Variants in DESI2 observed in about 807,000 individuals in gnomAD.
DESI2 encodes deubiquitinase DESI2.
A neutral mutation model predicts 24.1 loss-of-function variants in DESI2; 10 were observed. That is an observed-to-expected ratio of 0.41 (90% CI 0.26 to 0.70). DESI2 has a LOEUF of 0.70. DESI2 is among the 30% of genes least tolerant of loss of function. DESI2 has a pLI of 0.29. For synonymous variants in DESI2, 71 were observed against 87.7 expected (o/e 0.81, Z 1.06); for missense variants, 122 against 234.9 (o/e 0.52, Z 3.14).
chr1:244,703,362 T>C (rs1422366003), intron 4 of DESI2, among the ~76,000 whole-genome samples: 1 of 151,972 alleles, frequency 6.6e-6, no homozygotes, highest in Non-Finnish European at 1.5e-5. Flanking sequence ...CTTTTTTGTT[T>C]GTTTTGTTTT....
intron 1 of DESI2, among the ~76,000 whole-genome samples, chr1:244,677,635 G>A (rs1676456753): frequency 6.6e-6 from 1 of 152,192 alleles, no homozygotes; most frequent in African/African-American, 2.4e-5. Flanking sequence ...TCTGGGCACA[G>A]TACTGGGCAT....
At chr1:244,674,321 CTT>C (rs35687515) in intron 1 of DESI2, among the ~76,000 whole-genome samples, 6 of 147,482 alleles carry the variant, frequency 4.1e-5, no homozygotes, top group Non-Finnish European at 4.5e-5. Context: ...TCATAACGGT[CTT>C]TTTTTTTTTT....
chr1:244,661,429 CT>C (rs1675836967), intron 1 of DESI2, among the ~76,000 whole-genome samples: 1 of 151,928 alleles, frequency 6.6e-6, no homozygotes, highest in Non-Finnish European at 1.5e-5. Context: ...TATTATTATA[CT>C]TTAAGTTCTA....
At chr1:244,673,190 C>G (rs1303020667) in intron 1 of DESI2, among the ~76,000 whole-genome samples, 1 of 152,088 alleles carries the variant, frequency 6.6e-6, no homozygotes, top group African/African-American at 2.4e-5. Flanking sequence ...AAAGATTGAG[C>G]CTTCCAGGCG....
intron 2 of DESI2, among the ~76,000 whole-genome samples, chr1:244,687,537 G>A (rs1676866013): frequency 6.6e-6 from 1 of 152,206 alleles, no homozygotes; most frequent in African/African-American, 2.4e-5. Context: ...AGTTTACTGA[G>A]GGTTACCCCT....
intron 4 of DESI2, among the ~76,000 whole-genome samples, chr1:244,693,938 G>A (rs962068003): frequency 6.6e-6 from 1 of 152,224 alleles, no homozygotes; most frequent in African/African-American, 2.4e-5. Context: ...AATTTGAAAT[G>A]ATAGATGCAA....
At chr1:244,691,288 C>T (rs1224119276) in intron 3 of DESI2, among the ~76,000 whole-genome samples, 2 of 152,230 alleles carry the variant, frequency 1.3e-5, no homozygotes, top group African/African-American at 4.8e-5. Flanking sequence ...GGGGTTTCAC[C>T]GTGTTGGCCA....
At chr1:244,685,876 C>T (rs1056862886) in intron 1 of DESI2, among the ~76,000 whole-genome samples, 2 of 152,170 alleles carry the variant, frequency 1.3e-5, no homozygotes, top group Admixed American at 6.5e-5. Context: ...ACAGTCATTT[C>T]CTGTAATTTC....
chr1:244,667,927 T>C (rs1340240516), intron 1 of DESI2, among the ~76,000 whole-genome samples: 3 of 152,222 alleles, frequency 2.0e-5, no homozygotes, highest in Non-Finnish European at 4.4e-5. Flanking sequence ...GTTAAATTAC[T>C]TGGCTGAACA....
chr1:244,693,117 A>C (rs1039536707), intron 4 of DESI2, among the ~76,000 whole-genome samples: 1 of 152,164 alleles, frequency 6.6e-6, no homozygotes, highest in Non-Finnish European at 1.5e-5. Flanking sequence ...AATCCACTCT[A>C]TTTTTCAGAC....
At chr1:244,668,978 T>C (rs1025341696) in intron 1 of DESI2, among the ~76,000 whole-genome samples, 7 of 152,186 alleles carry the variant, frequency 4.6e-5, no homozygotes, top group Non-Finnish European at 2.9e-5. Flanking sequence ...ATTAATACTT[T>C]AGAATGCTTC....
chr1:244,654,400 C>A (rs949031160), intron 1 of DESI2, among the ~76,000 whole-genome samples: 10 of 152,188 alleles, frequency 6.6e-5, no homozygotes, highest in African/African-American at 2.4e-4. Flanking sequence ...TTATACAGTT[C>A]TAAACTTTGT....
chr1:244,703,859 T>C (rs570782282), intron 4 of DESI2, among the ~76,000 whole-genome samples: 19 of 152,170 alleles, frequency 1.2e-4, no homozygotes, highest in South Asian at 4.1e-4. Flanking sequence ...GGGGTTTCAC[T>C]GTGTTAGCCA....
chr1:244,663,900 C>T (rs1252542389), intron 1 of DESI2, among the ~76,000 whole-genome samples: 3 of 151,944 alleles, frequency 2.0e-5, no homozygotes, highest in Non-Finnish European at 4.4e-5. Context: ...CGCCTGTAGT[C>T]CCAGCTGCTC....
Position 244,675,364 on chromosome 1 carries a change from A to C in DESI2, c.43-11233A>C, listed in dbSNP as rs145210196. 5.9e-4 allele frequency among the ~76,000 whole-genome samples: 90 copies of C among 152,264 alleles called. 2 individuals are homozygous for C. The highest frequency in any genetic ancestry group is 2.0e-3 in the African/African-American group (85 of 41,546). ...TGTCATATCTATGAAGCCATTGCGT[A>C]ATCCAAGATCATGAAGATATGCTTC... On this transcript the variant is annotated intron_variant, in intron 1 of 4. Coordinates refer to ENST00000302550, the MANE Select transcript of DESI2 (RefSeq NM_016076.5).
intron 1 of DESI2, among the ~76,000 whole-genome samples, chr1:244,661,658 T>C (rs1246281679): frequency 6.8e-6 from 1 of 147,704 alleles, no homozygotes; most frequent in Non-Finnish European, 1.5e-5. Flanking sequence ...GAACATGCGG[T>C]GTTTGGTTTT....
chr1:244,672,404 TC>T (rs575319548), intron 1 of DESI2, among the ~76,000 whole-genome samples: 38 of 152,146 alleles, frequency 2.5e-4, no homozygotes, highest in Non-Finnish European at 4.0e-4. Flanking sequence ...ATTGGAAGCT[TC>T]CTGAGACCCT....
intron 4 of DESI2, among the ~76,000 whole-genome samples, chr1:244,698,212 A>C (rs1677296398): frequency 6.6e-6 from 1 of 152,202 alleles, no homozygotes; most frequent in Non-Finnish European, 1.5e-5. Context: ...TGTTAGTGGG[A>C]CGCAGCTTCC....
intron 1 of DESI2, among the ~76,000 whole-genome samples, chr1:244,675,918 T>G (rs1676400014): frequency 6.6e-6 from 1 of 152,164 alleles, no homozygotes; most frequent in Non-Finnish European, 1.5e-5. Context: ...GTCTTTCCAT[T>G]TATTTAGGTC....
Sources: allele counts gnomAD v4.1 joint callset (sites outside exome capture counted in the v4.1 genomes callset), GRCh38; gene constraint gnomAD v4.1.1; transcripts MANE v1.5; gene names NCBI Gene and HGNC (gene_info 2026-07-23, HGNC 2026-07-21).